NUP153: variants seen among roughly 807,000 people sequenced by gnomAD.
The protein encoded by NUP153 is nucleoporin 153.
NUP153 carries 27 observed loss-of-function variants against 134.6 expected under a neutral mutation model. That is an observed-to-expected ratio of 0.20 (90% CI 0.15 to 0.28). NUP153 has a LOEUF of 0.28. Ranked by LOEUF, NUP153 falls within the 10% of genes least tolerant of loss-of-function variation. The probability of loss-of-function intolerance (pLI) is 1.00; values close to 1 mark genes in which losing one functional copy is unlikely to be tolerated. For missense variants in NUP153, 1,821 were observed against 1,731.3 expected, an observed-to-expected ratio of 1.05 and a Z score of -0.92; for synonymous variants, 640 against 623.5, an observed-to-expected ratio of 1.03 and a Z score of -0.40.
At chr6:17,688,717 G>T in intron 1 of NUP153, 99 bp from the exon 2 acceptor site, 1 of 877,820 alleles carries the variant, frequency 1.1e-6, no homozygotes, top group Non-Finnish European at 1.7e-6. Context: ...ACACAATGGT[G>T]TCCAACAAGT....
intron 16 of NUP153, among the ~76,000 whole-genome samples, chr6:17,635,477 C>T (rs1765504611): frequency 6.6e-6 from 1 of 152,152 alleles, no homozygotes; most frequent in Non-Finnish European, 1.5e-5. Flanking sequence ...TCTCAGGTAA[C>T]TGCAACCTCT....
intron 21 of NUP153, 93 bp from the exon 22 acceptor site, chr6:17,616,274 G>A: frequency 1.9e-6 from 1 of 531,770 alleles, no homozygotes; most frequent in South Asian, 2.2e-5. Flanking sequence ...AGGGTAAGGG[G>A]GGTCGGGTGG....
At chr6:17,678,606 T>A (rs1402191613) in intron 2 of NUP153, among the ~76,000 whole-genome samples, 1 of 152,192 alleles carries the variant, frequency 6.6e-6, no homozygotes, top group African/African-American at 2.4e-5. Context: ...GCTGCTAGAC[T>A]GTATTTGCCA....
At position 17,675,288 on chromosome 6, in the gene NUP153, T is replaced by C. The variant is rs756922360; in HGVS notation, c.664A>G (p.Thr222Ala). ...AERSHSLSQH[T>A]ATSSKKPAFN... ...GCTGGTTTTTTTGAGCTGGTGGCAGTGTGCTGTGAGAGTGAGTGAGAACGT... is the reference window on the plus strand; with the variant it reads ...GCTGGTTTTTTTGAGCTGGTGGCAGCGTGCTGTGAGAGTGAGTGAGAACGT... Residue 222 changes from threonine to alanine, a missense_variant, in exon 4 of 22, where the codon ACT becomes GCT. Coordinates refer to ENST00000262077, the MANE Select transcript of NUP153 (RefSeq NM_005124.4). The surrounding 1 kb of genome is among the most constrained non-coding windows in gnomAD (Gnocchi z 4.4). 4 of 1,614,018 alleles carry C rather than the reference T, an allele frequency of 2.5e-6. No individual in the cohort carries two copies. The African/African-American group carries it at 4.0e-5, about 16-fold the overall frequency.
rs1055274294 is a variant in NUP153 at position 17,661,867 on chromosome 6, AT to A, written c.1269-89del. ...AGAACTGCTAACAAGTAAAAAAAAA[AT>A]ATACAGCTGAACGTGATTCTAAAAT... On this transcript the variant is annotated intron_variant, in intron 10 of 21. Coordinates refer to ENST00000262077, the MANE Select transcript of NUP153 (RefSeq NM_005124.4). The A allele has an allele frequency of 6.2e-5, 81 of 1,299,512 alleles. No homozygotes were observed. In the African/African-American group the frequency reaches 1.0e-3, roughly 17 times the overall value. The allele number at this position is 1,299,512 out of a possible 1,614,324, so 80.5% of individuals were successfully genotyped here.
At chr6:17,651,882 G>A (rs767337048) in intron 11 of NUP153, 38 of 677,580 alleles carry the variant, frequency 5.6e-5, no homozygotes, top group African/African-American at 2.8e-4. Flanking sequence ...TCGCTTGAGC[G>A]CAGGAGCTCG....
intron 1 of NUP153, among the ~76,000 whole-genome samples, chr6:17,700,866 T>C (rs1328235887): frequency 6.6e-6 from 1 of 152,222 alleles, no homozygotes; most frequent in Non-Finnish European, 1.5e-5. Context: ...ACTATCTGTG[T>C]CCCTTTCAGA....
At chr6:17,648,802 C>CA (rs35988815) in intron 12 of NUP153, among the ~76,000 whole-genome samples, 1,493 of 141,760 alleles carry the variant, frequency 0.011, 11 homozygotes, top group African/African-American at 0.029. Flanking sequence ...GACACCATCT[C>CA]AAAAAAAAAA....
chr6:17,706,916 G>C lies in NUP153; in HGVS notation c.-529C>G, dbSNP rs962977887. ...CTGCTAAGGCGGCTGCCGCGGTCGC[G>C]AGCCAGAATGTCGTCACTCATCGGC... is the stretch of plus-strand genomic sequence containing the variant. On this transcript the variant is annotated 5_prime_UTR_variant, in exon 1 of 22. Transcript: ENST00000262077. This position sits in a 1 kb window ranked among gnomAD's most constrained non-coding sequence, Gnocchi z 5.9. 3 of 155,986 alleles carry C rather than the reference G, an allele frequency of 1.9e-5. No homozygotes were observed. Among genetic ancestry groups the C allele is most frequent in the African/African-American group, 7.2e-5 (3 of 41,466 alleles). 9.7% of individuals were successfully genotyped at this position (155,986 alleles called of 1,614,324 possible).
At position 17,706,047 on chromosome 6, in the gene NUP153, G is replaced by C. The variant is rs906786290; in HGVS notation, c.111+230C>G. The stretch of plus-strand genomic sequence containing the variant: ...TGCCTGGGAAAGCCCCTGACCCAGA[G>C]AGTTGGGGGAAAGGCGGCCCAAACC... On this transcript the variant is annotated intron_variant, in intron 1 of 21. Coordinates refer to ENST00000262077, the MANE Select transcript of NUP153 (RefSeq NM_005124.4). The surrounding 1 kb of genome is among the most constrained non-coding windows in gnomAD (Gnocchi z 5.9). Among the ~76,000 whole-genome samples, 11 of 152,202 alleles carry C rather than the reference G, an allele frequency of 7.2e-5. No homozygotes were observed. The highest frequency in any genetic ancestry group is 1.7e-4 in the African/African-American group (7 of 41,456).
Position 17,629,243 on chromosome 6 carries a change from A to G in NUP153, c.2956T>C (p.Ser986Pro), listed in dbSNP as rs889191759. 5.6e-6 allele frequency: 9 copies of G among 1,613,246 alleles called. No homozygotes were observed. Among genetic ancestry groups the G allele is most frequent in the African/African-American group, 5.3e-5 (4 of 74,856 alleles). ...SKNDNFKFGL[S>P]SGLSNPVSLT... ...GAAACTGGGTTGCTTAAACCAGAAG[A>G]AAGTCCAAACTTAAAATTATCATTC... Residue 986 changes from serine (S) to proline (P), a missense_variant, in exon 18 of 22, where the codon TCT becomes CCT. Physicochemically the swap from Ser to Pro is moderately conservative, Grantham distance 74. Transcript: ENST00000262077.
intron 20 of NUP153, among the ~76,000 whole-genome samples, chr6:17,622,243 A>T (rs1338551150): frequency 6.6e-6 from 1 of 152,104 alleles, no homozygotes; most frequent in African/African-American, 2.4e-5. Flanking sequence ...TGAGCTCGGG[A>T]GTTAGAGACC....
intron 16 of NUP153, among the ~76,000 whole-genome samples, chr6:17,633,085 C>T (rs572401571): frequency 3.9e-4 from 59 of 152,198 alleles, no homozygotes; most frequent in South Asian, 8.3e-4. Context: ...ATGAGCAGCT[C>T]ATAATCACCT....
chr6:17,617,560 T>A (rs1384545678), intron 20 of NUP153, among the ~76,000 whole-genome samples: 1 of 150,656 alleles, frequency 6.6e-6, no homozygotes, highest in Non-Finnish European at 1.5e-5. Context: ...ATGGTAATTA[T>A]CAGTGGGTGC....
chr6:17,671,499 C>T (rs1767907962), intron 5 of NUP153, among the ~76,000 whole-genome samples: 1 of 152,112 alleles, frequency 6.6e-6, no homozygotes, highest in African/African-American at 2.4e-5. Flanking sequence ...AAAAGTTATT[C>T]AGGCTACATA....
Position 17,675,784 on chromosome 6 carries a change from CATTAAT to C in NUP153, c.335-20_335-15del, listed in dbSNP as rs772110884. 1.6e-5 allele frequency: 25 copies of C among 1,610,172 alleles called. No individual in the cohort carries two copies. The highest frequency in any genetic ancestry group is 1.9e-5 in the Non-Finnish European group (22 of 1,176,452). ...TTGTTGAAGGTTCTTAAAAGAAAAG[CATTAAT>C]ATTATGAATATACAACTTAGAGCGA... On this transcript the variant is annotated splice_polypyrimidine_tract_variant and intron_variant, in intron 2 of 21. Coordinates refer to ENST00000262077, the MANE Select transcript of NUP153 (RefSeq NM_005124.4). The surrounding 1 kb of genome is among the most constrained non-coding windows in gnomAD (Gnocchi z 4.4).
At position 17,706,877 on chromosome 6, in the gene NUP153, T is replaced by A. The variant is rs1427909601; in HGVS notation, c.-490A>T. The A allele has an allele frequency of 6.0e-6, 1 of 166,172 alleles. No homozygotes were observed. The highest frequency in any genetic ancestry group is 1.3e-5 in the Non-Finnish European group (1 of 76,258). The allele number at this position is 166,172 out of a possible 1,614,324, so 10.3% of individuals were successfully genotyped here. A position where few individuals can be genotyped will look rare whatever the true frequency, so the allele number is the denominator to read the frequency against. ...TCGTCCCTGCAGCCTCCGCCGCCGT[T>A]GCGCCTATTACCCCTGCTAAGGCGG... On this transcript the variant is annotated 5_prime_UTR_variant, in exon 1 of 22. Coordinates refer to ENST00000262077, the MANE Select transcript of NUP153 (RefSeq NM_005124.4). This position sits in a 1 kb window ranked among gnomAD's most constrained non-coding sequence, Gnocchi z 5.9.
rs187180185 is a variant in NUP153, at chr6:17,689,285, G to A, written c.112-667C>T. Among the ~76,000 whole-genome samples, 296 of 152,094 alleles carry A rather than the reference G, an allele frequency of 1.9e-3. 2 individuals carry two copies. Among genetic ancestry groups the A allele is most frequent in the African/African-American group, 6.5e-3 (268 of 41,492 alleles). On this transcript the variant is annotated intron_variant, in intron 1 of 21. Transcript: ENST00000262077. Reference sequence around the variant, plus strand: ...GCCTATAATCCCAGCTACTCAGGAGGCTGAGGCAGGAGAATCACTTATATC... The same window carrying A: ...GCCTATAATCCCAGCTACTCAGGAGACTGAGGCAGGAGAATCACTTATATC...
At chr6:17,659,168 A>C (rs1767017917) in intron 11 of NUP153, among the ~76,000 whole-genome samples, 1 of 152,242 alleles carries the variant, frequency 6.6e-6, no homozygotes, top group South Asian at 2.1e-4. Context: ...ACTGACTATC[A>C]CTTCTTCAAG....
Sources: gnomAD v4.1 joint callset for allele counts (sites outside exome capture counted in the v4.1 genomes callset) on GRCh38, gnomAD v4.1.1 for gene constraint, Gnocchi (gnomAD v3.1) non-coding constraint, MANE v1.5 for transcripts, NCBI Gene and HGNC (gene_info 2026-07-23, HGNC 2026-07-21) for gene names.